The following ROBO2 variants were observed in gnomAD, a reference collection of about 807,000 sequenced individuals.
ROBO2 encodes the protein roundabout homolog 2.
In ROBO2, 53 loss-of-function variants were observed where a neutral mutation model predicts 160.8. The observed-to-expected ratio is 0.33, with a 90% CI of 0.26 to 0.41. The LOEUF is 0.41. Ranked by LOEUF, ROBO2 falls within the 10% of genes least tolerant of loss-of-function variation. The pLI is 1.00. For synonymous variants in ROBO2, 664 were observed against 611.7 expected (o/e 1.09, Z -1.26); for missense variants, 1,577 against 1,722.4 (o/e 0.92, Z 1.49).
chr3:76,734,742 C>T (rs1460291348), intron 2 of ROBO2, among the ~76,000 whole-genome samples: 1 of 152,116 alleles, frequency 6.6e-6, no homozygotes, highest in East Asian at 1.9e-4. Flanking sequence ...TAGCATTTGG[C>T]AGTTTTAAAA....
chr3:76,086,537 C>A (rs1309074541), intron 2 of ROBO2, among the ~76,000 whole-genome samples: 2 of 152,114 alleles, frequency 1.3e-5, no homozygotes, highest in South Asian at 2.1e-4. Context: ...ACAGGCTCAA[C>A]AAAATACTAA....
intron 1 of ROBO2, among the ~76,000 whole-genome samples, chr3:77,076,941 G>T (rs1263771561): frequency 6.6e-6 from 1 of 152,024 alleles, no homozygotes; most frequent in East Asian, 1.9e-4. Flanking sequence ...TTAGATAAAG[G>T]GAACCTTCAG....
intron 2 of ROBO2, among the ~76,000 whole-genome samples, chr3:77,336,711 C>CA (rs2066533955): frequency 6.6e-6 from 1 of 152,178 alleles, no homozygotes; most frequent in South Asian, 2.1e-4. Flanking sequence ...CAAAGACAGG[C>CA]AAAATCTCTG....
intron 2 of ROBO2, among the ~76,000 whole-genome samples, chr3:76,024,574 A>T (rs2066675800): frequency 1.3e-5 from 2 of 151,666 alleles, no homozygotes. Context: ...CGCATTTTCA[A>T]CTGGAAGCTA....
chr3:77,432,472 G>A (rs547917529), intron 2 of ROBO2, among the ~76,000 whole-genome samples: 13 of 152,270 alleles, frequency 8.5e-5, no homozygotes, highest in African/African-American at 3.1e-4. Flanking sequence ...CAAAGCATCT[G>A]AAGTCTCTGA....
At chr3:76,189,113 T>G (rs753796696) in intron 2 of ROBO2, among the ~76,000 whole-genome samples, 9 of 152,082 alleles carry the variant, frequency 5.9e-5, no homozygotes, top group Non-Finnish European at 1.0e-4. Context: ...TAGGTTGCTC[T>G]TTCCAGAAAG....
intron 6 of ROBO2, among the ~76,000 whole-genome samples, chr3:77,523,498 TG>T (rs1348838906): frequency 1.3e-5 from 2 of 151,416 alleles, no homozygotes; most frequent in African/African-American, 4.8e-5. Flanking sequence ...TTTCACTTTC[TG>T]GGTGTCATGC....
intron 2 of ROBO2, among the ~76,000 whole-genome samples, chr3:76,598,293 G>T (rs753967213): frequency 3.3e-5 from 5 of 151,924 alleles, no homozygotes; most frequent in Non-Finnish European, 7.4e-5. Flanking sequence ...AGAGGAAAGT[G>T]GTTTTTTTTG....
At chr3:77,626,448 A>G (rs574329158) in intron 23 of ROBO2, among the ~76,000 whole-genome samples, 42 of 152,330 alleles carry the variant, frequency 2.8e-4, no homozygotes, top group Non-Finnish European at 4.4e-4. Context: ...ATAAAATACA[A>G]CATATTTATT....
intron 1 of ROBO2, among the ~76,000 whole-genome samples, chr3:77,088,148 G>A (rs931964118): frequency 4.6e-5 from 7 of 152,084 alleles, no homozygotes; most frequent in African/African-American, 1.7e-4. Context: ...TGCGGTAGTG[G>A]AGGAAAAAAC....
chr3:76,025,703 T>C (rs2066720361), intron 2 of ROBO2, among the ~76,000 whole-genome samples: 2 of 151,888 alleles, frequency 1.3e-5, no homozygotes, highest in East Asian at 3.9e-4. Context: ...ACATTAAGCG[T>C]GTCAGCATAT....
intron 23 of ROBO2, among the ~76,000 whole-genome samples, chr3:77,628,284 C>T (rs902784329): frequency 6.6e-6 from 1 of 152,088 alleles, no homozygotes; most frequent in East Asian, 1.9e-4. Context: ...TAAGAAGCCT[C>T]TAGCCGAATT....
At chr3:75,949,955 T>G (rs1017188735) in intron 2 of ROBO2, among the ~76,000 whole-genome samples, 2 of 152,110 alleles carry the variant, frequency 1.3e-5, no homozygotes, top group African/African-American at 4.8e-5. Context: ...AGAAAGAATT[T>G]AAGACTGAAA....
intron 2 of ROBO2, among the ~76,000 whole-genome samples, chr3:76,453,272 A>T (rs566858148): frequency 1.2e-4 from 18 of 152,206 alleles, no homozygotes; most frequent in African/African-American, 2.6e-4. Flanking sequence ...CTGAATGGTA[A>T]TGCCTAGGTT....
At chr3:76,419,406 G>T (rs1412647658) in intron 2 of ROBO2, among the ~76,000 whole-genome samples, 1 of 151,752 alleles carries the variant, frequency 6.6e-6, no homozygotes, top group Non-Finnish European at 1.5e-5. Flanking sequence ...TATTCAAAGT[G>T]ATACAAATAC....
At chr3:75,982,738 CACTTG>C (rs1327931960) in intron 2 of ROBO2, among the ~76,000 whole-genome samples, 1 of 151,386 alleles carries the variant, frequency 6.6e-6, no homozygotes, top group African/African-American at 2.4e-5. Context: ...ACATTTTTGA[CACTTG>C]ACTGTGGCAG....
chr3:76,781,100 T>C (rs555082991), intron 2 of ROBO2, among the ~76,000 whole-genome samples: 78 of 150,970 alleles, frequency 5.2e-4, no homozygotes, highest in African/African-American at 1.8e-3. Context: ...TCATCAGTGT[T>C]TTACAGTTTT....
intron 2 of ROBO2, among the ~76,000 whole-genome samples, chr3:76,694,927 A>C (rs2092896158): frequency 6.6e-6 from 1 of 152,042 alleles, no homozygotes; most frequent in Non-Finnish European, 1.5e-5. Flanking sequence ...AACATGGTGA[A>C]ACCCCATTTC....
chr3:76,721,835 T>C (rs922864805), intron 2 of ROBO2, among the ~76,000 whole-genome samples: 1 of 152,184 alleles, frequency 6.6e-6, no homozygotes, highest in African/African-American at 2.4e-5. Context: ...GGAAGAAGAT[T>C]TGGGACACCC....
Sources: allele counts gnomAD v4.1 joint callset (sites outside exome capture counted in the v4.1 genomes callset), GRCh38; gene constraint gnomAD v4.1.1; transcripts MANE v1.5; gene names NCBI Gene and HGNC (gene_info 2026-07-23, HGNC 2026-07-21).